Variants in CSPP1 observed in about 807,000 individuals in gnomAD.
CSPP1 encodes the protein centrosome and spindle pole-associated protein 1.
In CSPP1, 126 loss-of-function variants were observed where a neutral mutation model predicts 164.4. That is an observed-to-expected ratio of 0.77 (90% CI 0.66 to 0.89). The LOEUF (loss-of-function observed/expected upper bound fraction) is 0.89, where lower values mean the gene tolerates loss of function less well. Ranked by LOEUF, CSPP1 falls within the 40% of genes least tolerant of loss-of-function variation. The pLI is 0.00. For missense variants in CSPP1, 1,395 were observed against 1,449.8 expected (o/e 0.96, Z 0.61); for synonymous variants, 472 against 476.7 (o/e 0.99, Z 0.13).
intron 28 of CSPP1, among the ~76,000 whole-genome samples, chr8:67,182,804 A>T (rs1020890675): frequency 6.6e-6 from 1 of 152,116 alleles, no homozygotes; most frequent in Non-Finnish European, 1.5e-5. Flanking sequence ...CCTATTTAAG[A>T]CCTTTGCTAA....
chr8:67,147,090 T>C (rs2129557343), intron 17 of CSPP1, among the ~76,000 whole-genome samples: 1 of 152,354 alleles, frequency 6.6e-6, no homozygotes, highest in South Asian at 2.1e-4. Context: ...TTTCTCTTAA[T>C]ATAAATATGT....
Position 67,118,254 on chromosome 8 carries a change from A to C in CSPP1, c.1503A>C (p.Ala501=). The C allele has an allele frequency of 3.7e-6, 6 of 1,613,436 alleles. No individual in the cohort carries two copies. Among genetic ancestry groups the C allele is most frequent in the Non-Finnish European group, 5.1e-6 (6 of 1,179,566 alleles). The part of the protein sequence containing the change: ...ALGEMVSPRI[A]PLPPPPLLPP... ...CATCTTTCTTTTCATACAGGATTGC[A>C]CCTCTGCCTCCACCTCCCCTACTAC... Residue 501 remains alanine, a synonymous_variant, in exon 14 of 31, where the codon GCA becomes GCC. Coordinates refer to ENST00000678616, the MANE Select transcript of CSPP1 (RefSeq NM_001382391.1).
At chr8:67,076,092 T>C (rs1807847756) in intron 2 of CSPP1, among the ~76,000 whole-genome samples, 1 of 152,184 alleles carries the variant, frequency 6.6e-6, no homozygotes, top group Admixed American at 6.5e-5. Context: ...CTGCTTTTTT[T>C]TTTTTCCATA....
At chr8:67,086,869 C>A in intron 4 of CSPP1, 1 of 1,315,608 alleles carries the variant, frequency 7.6e-7, no homozygotes, top group Non-Finnish European at 1.0e-6. Context: ...GCAATACGTC[C>A]TCCTTCAGTT....
At chr8:67,182,869 T>C (rs1402181240) in intron 28 of CSPP1, among the ~76,000 whole-genome samples, 1 of 152,232 alleles carries the variant, frequency 6.6e-6, no homozygotes, top group Non-Finnish European at 1.5e-5. Context: ...TTATTATCTA[T>C]TCTGGATATT....
chr8:67,139,741 G>C (rs1823100972), intron 17 of CSPP1, among the ~76,000 whole-genome samples: 1 of 152,134 alleles, frequency 6.6e-6, no homozygotes, highest in South Asian at 2.1e-4. Flanking sequence ...ACTATTGCAA[G>C]GACAAAAAAC....
chr8:67,149,696 C>A, intron 17 of CSPP1, 87 bp from the exon 18 acceptor site: 1 of 936,600 alleles, frequency 1.1e-6, no homozygotes. Flanking sequence ...GTTTTTCTTT[C>A]TGACTTCCTA....
At chr8:67,092,464 G>A (rs1433062155) in intron 5 of CSPP1, among the ~76,000 whole-genome samples, 4 of 152,022 alleles carry the variant, frequency 2.6e-5, no homozygotes, top group Non-Finnish European at 5.9e-5. Context: ...TTGAGACGAA[G>A]TATCACCCCG....
intron 18 of CSPP1, among the ~76,000 whole-genome samples, chr8:67,152,363 C>G (rs1309524212): frequency 1.3e-5 from 2 of 152,056 alleles, no homozygotes; most frequent in Non-Finnish European, 2.9e-5. Context: ...AGGTTTGTTT[C>G]TGATGCCCTT....
In CSPP1 at chr8:67,177,691, G is replaced by A. The variant is rs750449850; in HGVS notation, c.3121G>A (p.Ala1041Thr). 6.2e-7 allele frequency: 1 copy of A among 1,611,300 alleles called. No homozygotes were observed. The highest frequency in any genetic ancestry group is 1.1e-5 in the South Asian group (1 of 90,786). Residue 1041 changes from alanine to threonine, a missense_variant, in exon 27 of 31, where the codon GCC becomes ACC. Coordinates refer to ENST00000678616, the MANE Select transcript of CSPP1 (RefSeq NM_001382391.1). ...TCCATTGACTACAGTTGACTTAGAT[G>A]CCATCCCAAGTGCTAAAGTACGAGA... Reference protein sequence around the residue: ...MQEGAKVDLDAIPSAKVREQR... With the variant: ...MQEGAKVDLDTIPSAKVREQR...
chr8:67,086,753 G>T, intron 4 of CSPP1: 1 of 790,742 alleles, frequency 1.3e-6, no homozygotes, highest in Non-Finnish European at 1.9e-6. Flanking sequence ...CTCTTATTCT[G>T]ATTTACACAT....
At chr8:67,133,460 T>C (rs1586387042) in intron 16 of CSPP1, 1 of 152,352 alleles carries the variant, frequency 6.6e-6, no homozygotes, top group South Asian at 2.1e-4. Context: ...TACACTATAC[T>C]GTGGTCTATT....
intron 1 of CSPP1, among the ~76,000 whole-genome samples, chr8:67,073,050 A>G (rs1310915613): frequency 2.0e-5 from 3 of 152,262 alleles, no homozygotes; most frequent in Middle Eastern, 6.8e-3. Context: ...CTAAATAAAT[A>G]CACAATAGAA....
intron 27 of CSPP1, among the ~76,000 whole-genome samples, chr8:67,178,634 G>A (rs1832257980): frequency 6.6e-6 from 1 of 152,180 alleles, no homozygotes; most frequent in Non-Finnish European, 1.5e-5. Flanking sequence ...TCACTGGGTA[G>A]GCAACATTTG....
intron 3 of CSPP1, among the ~76,000 whole-genome samples, chr8:67,080,428 T>C (rs1808906648): frequency 1.3e-5 from 2 of 152,260 alleles, no homozygotes; most frequent in Admixed American, 1.3e-4. Context: ...GTTAATTCCA[T>C]GTGGCTCTTT....
Position 67,084,748 on chromosome 8 carries a change from A to AG in CSPP1, c.200-1259_200-1258insG, listed in dbSNP as rs544175572. ...AGCGAGACCCTGTCTAAAGAGAGAGAAAAAAAAAAAAGCCAAGTTTTATTT... is the reference window on the plus strand; with the variant it reads ...AGCGAGACCCTGTCTAAAGAGAGAGAGAAAAAAAAAAAGCCAAGTTTTATTT... On this transcript the variant is annotated intron_variant, in intron 3 of 30. Coordinates refer to ENST00000678616, the MANE Select transcript of CSPP1 (RefSeq NM_001382391.1). 2.5e-3 allele frequency among the ~76,000 whole-genome samples: 363 copies of AG among 145,360 alleles called. 2 individuals carry two copies. Among genetic ancestry groups the AG allele is most frequent in the African/African-American group, 7.5e-3 (297 of 39,756 alleles).
At chr8:67,184,097 C>A (rs1177422654) in intron 28 of CSPP1, among the ~76,000 whole-genome samples, 1 of 152,062 alleles carries the variant, frequency 6.6e-6, no homozygotes, top group Non-Finnish European at 1.5e-5. Context: ...AGGTGATCCC[C>A]CGGCCTTGGC....
In CSPP1 at chr8:67,116,264, ATTTG is replaced by A. The variant is rs1170142299; in HGVS notation, c.1496+146_1496+149del. The A allele has an allele frequency of 3.5e-5, 21 of 606,836 alleles. 1 individual carries two copies. Among genetic ancestry groups the A allele is most frequent in the Middle Eastern group, 6.2e-4 (2 of 3,230 alleles). The allele number at this position is 606,836 out of a possible 1,614,324, so 37.6% of individuals were successfully genotyped here. A position where few individuals can be genotyped will look rare whatever the true frequency, so the allele number is the denominator to read the frequency against. On this transcript the variant is annotated intron_variant, in intron 13 of 30. Transcript: ENST00000678616. ...GTTTTGTGAAATAAATTCTCTTGAA[ATTTG>A]TTTTTTTCTCTGCTATTATAAAAAA...
At chr8:67,115,830 C>CT in intron 12 of CSPP1, 84 bp from the exon 13 acceptor site, 1 of 913,902 alleles carries the variant, frequency 1.1e-6, no homozygotes, top group South Asian at 1.5e-5. Context: ...TAAGTGCCTG[C>CT]TGGGATAGGA....
Sources: gnomAD v4.1 joint callset for allele counts (sites outside exome capture counted in the v4.1 genomes callset) on GRCh38, gnomAD v4.1.1 for gene constraint, MANE v1.5 for transcripts, NCBI Gene and HGNC (gene_info 2026-07-23, HGNC 2026-07-21) for gene names.